PPIL3: variants seen among roughly 807,000 people sequenced by gnomAD.
The protein encoded by PPIL3 is peptidyl-prolyl cis-trans isomerase-like 3.
In PPIL3, 13 loss-of-function variants were observed where a neutral mutation model predicts 20.9. The ratio of observed to expected loss-of-function variants is 0.62; its 90% CI spans 0.40 to 0.99. The LOEUF is 0.99. PPIL3 is among the 50% of genes least tolerant of loss of function. The pLI is 0.00. For synonymous variants in PPIL3, 71 were observed against 64.4 expected (o/e 1.10, Z -0.49); for missense variants, 170 against 195.2 (o/e 0.87, Z 0.77).
chr2:200,885,608 TG>T, intron 3 of PPIL3, 89 bp downstream of exon 3: 1 of 847,138 alleles, frequency 1.2e-6, no homozygotes. Context: ...CAGAAAGTTT[TG>T]TTGTTGTTAT....
Position 200,871,520 on chromosome 2 carries a change from C to A in PPIL3, c.361G>T (p.Val121Leu), listed in dbSNP as rs746438958. ...LDMKYTVFGK[V>L]IDGLETLDEL... ...TCTAGAGTTTCCAGACCATCTATTA[C>A]CCTGAAAGAGAAACAACATAACATA... is the stretch of plus-strand genomic sequence containing the variant. The change falls in exon 7 of 7, where the codon GTA (valine) becomes TTA (leucine). Residue 121 changes from valine to leucine, a missense_variant and splice_region_variant. Transcript: ENST00000392283. 2.5e-6 allele frequency: 4 copies of A among 1,609,262 alleles called. No homozygotes were observed. In the South Asian group the frequency reaches 3.3e-5, roughly 13 times the overall value.
chr2:200,888,890 T>C (rs2124862019), intron 1 of PPIL3, 66 bp downstream of exon 1: 1 of 470,752 alleles, frequency 2.1e-6, no homozygotes, highest in South Asian at 1.5e-5. Flanking sequence ...ACTAAACCAG[T>C]AGCAACACAG....
intron 4 of PPIL3, among the ~76,000 whole-genome samples, chr2:200,882,128 C>A (rs936068946): frequency 6.6e-6 from 1 of 152,180 alleles, no homozygotes; most frequent in South Asian, 2.1e-4. Flanking sequence ...GCATGCTGGG[C>A]TTAAAACCTA....
chr2:200,874,021 T>A (rs11687102), intron 6 of PPIL3, among the ~76,000 whole-genome samples: 18 of 150,444 alleles, frequency 1.2e-4, no homozygotes, highest in African/African-American at 3.2e-4. Context: ...CTGGCTAACA[T>A]GGTGAAACCC....
intron 6 of PPIL3, among the ~76,000 whole-genome samples, chr2:200,873,796 C>T (rs1001237722): frequency 2.0e-5 from 3 of 151,942 alleles, no homozygotes; most frequent in African/African-American, 7.3e-5. Flanking sequence ...CAACCCGTCA[C>T]ATGAGGTCAG....
chr2:200,884,582 T>A lies in PPIL3; in HGVS notation c.78+1116A>T, dbSNP rs147564734. Among the ~76,000 whole-genome samples the A allele has an allele frequency of 1.6e-3, 236 of 150,624 alleles. 7 individuals carry two copies. The East Asian group carries it at 0.039, about 25-fold the overall frequency. On this transcript the variant is annotated intron_variant, in intron 3 of 6. Transcript: ENST00000392283. ...GTGAGATCTCGTCTCCATAAAAATT[T>A]AAAAAAAATTAGCCTGGCATGGTGG... is the stretch of plus-strand genomic sequence containing the variant.
At chr2:200,874,360 G>T (rs1407513170) in intron 6 of PPIL3, among the ~76,000 whole-genome samples, 2 of 152,058 alleles carry the variant, frequency 1.3e-5, no homozygotes, top group Non-Finnish European at 2.9e-5. Flanking sequence ...TTCTAGGTCA[G>T]TAAGAGAAAC....
intron 1 of PPIL3, among the ~76,000 whole-genome samples, chr2:200,887,894 T>C (rs2040013877): frequency 6.6e-6 from 1 of 151,852 alleles, no homozygotes. Flanking sequence ...CCGTCTCTAC[T>C]AAAAACACAA....
rs115210374 is a variant in PPIL3, at chr2:200,871,712, A to T, written c.360-191T>A. The stretch of plus-strand genomic sequence containing the variant: ...CAAAATTCAGAAATAATTTACTTTT[A>T]TGCCCTTAGTCAACAATACAAAGGG... On this transcript the variant is annotated intron_variant, in intron 6 of 6. Transcript: ENST00000392283. 1.4e-3 allele frequency among the ~76,000 whole-genome samples: 219 copies of T among 152,312 alleles called. 1 individual carries two copies. The highest frequency in any genetic ancestry group is 4.6e-3 in the African/African-American group (191 of 41,566).
At chr2:200,888,521 C>T (rs1559345730) in intron 1 of PPIL3, 1 of 182,094 alleles carries the variant, frequency 5.5e-6, no homozygotes, top group Non-Finnish European at 1.2e-5. Context: ...ATGAACTTCT[C>T]TTTTTTTTTC....
chr2:200,883,109 GTTC>G (rs1215056116), intron 3 of PPIL3, among the ~76,000 whole-genome samples: 1 of 128,604 alleles, frequency 7.8e-6, no homozygotes, highest in East Asian at 2.3e-4. Context: ...TATCTGGAAT[GTTC>G]TTTTTTTTTT....
intron 6 of PPIL3, 151 bp downstream of exon 6, chr2:200,876,768 C>T (rs1346727457): frequency 1.6e-6 from 1 of 632,058 alleles, no homozygotes; most frequent in Non-Finnish European, 2.8e-6. Context: ...GACAATCTGC[C>T]CACCTTGGCC....
intron 4 of PPIL3, among the ~76,000 whole-genome samples, chr2:200,882,107 G>A (rs868360121): frequency 1.3e-5 from 2 of 152,180 alleles, no homozygotes; most frequent in Non-Finnish European, 2.9e-5. Context: ...GCATTAGGAC[G>A]AATAGCTAAT....
chr2:200,878,351 G>A (rs549379076), intron 5 of PPIL3, among the ~76,000 whole-genome samples: 1 of 151,456 alleles, frequency 6.6e-6, no homozygotes, highest in South Asian at 2.1e-4. Context: ...CTCTACAAGA[G>A]GTAACCACTA....
Position 200,871,246 on chromosome 2 carries a change from TG to T in PPIL3, c.*148del. On this transcript the variant is annotated 3_prime_UTR_variant, in exon 7 of 7. Transcript: ENST00000392283. The stretch of plus-strand genomic sequence containing the variant: ...CTCTAAGAATGGGGATAAAAGCTGT[TG>T]GGCGCCCCTTGGTACCACCATTTCA... 1.5e-6 allele frequency: 1 copy of T among 657,466 alleles called. No homozygotes were observed. Among genetic ancestry groups the T allele is most frequent in the South Asian group, 3.2e-5 (1 of 30,872 alleles). The allele number at this position is 657,466 out of a possible 1,614,324, so 40.7% of individuals were successfully genotyped here.
intron 3 of PPIL3, among the ~76,000 whole-genome samples, chr2:200,883,679 A>G (rs1011521277): frequency 2.0e-5 from 3 of 152,198 alleles, no homozygotes; most frequent in African/African-American, 7.2e-5. Context: ...CAACTAAAAT[A>G]TTGGCTCCAT....
intron 6 of PPIL3, among the ~76,000 whole-genome samples, chr2:200,874,452 G>A (rs2039438663): frequency 1.3e-5 from 2 of 152,078 alleles, no homozygotes; most frequent in Non-Finnish European, 2.9e-5. Flanking sequence ...GTAGAGTCAA[G>A]TATATGGGAA....
intron 6 of PPIL3, among the ~76,000 whole-genome samples, chr2:200,871,797 A>T (rs2039315600): frequency 6.6e-6 from 1 of 152,238 alleles, no homozygotes; most frequent in Admixed American, 6.5e-5. Flanking sequence ...ACAGTGACAG[A>T]GAACAGCTAC....
chr2:200,873,915 A>G (rs1416922268), intron 6 of PPIL3, among the ~76,000 whole-genome samples: 3 of 151,462 alleles, frequency 2.0e-5, no homozygotes, highest in Non-Finnish European at 4.4e-5. Context: ...AAAAATTAAC[A>G]GATTTGTAGG....
Sources: allele counts gnomAD v4.1 joint callset (sites outside exome capture counted in the v4.1 genomes callset), GRCh38; gene constraint gnomAD v4.1.1; transcripts MANE v1.5; gene names NCBI Gene and HGNC (gene_info 2026-07-23, HGNC 2026-07-21).